Variants in TTC7B observed in about 807,000 individuals in gnomAD.
TTC7B encodes the protein tetratricopeptide repeat protein 7B.
In TTC7B, 28 loss-of-function variants were observed where a neutral mutation model predicts 106.8. The observed-to-expected ratio is 0.26, with a 90% CI of 0.19 to 0.36. The LOEUF (loss-of-function observed/expected upper bound fraction) is 0.36. TTC7B is among the 10% of genes least tolerant of loss of function. The pLI is 1.00. For synonymous variants in TTC7B, 405 were observed against 430.6 expected (o/e 0.94, Z 0.74); for missense variants, 862 against 1,076.4 (o/e 0.80, Z 2.79).
chr14:90,629,920 A>C (rs992775947), intron 15 of TTC7B, among the ~76,000 whole-genome samples: 2 of 152,154 alleles, frequency 1.3e-5, no homozygotes, highest in Admixed American at 1.3e-4. Context: ...AAACTAGAAA[A>C]GGGAACTTCC....
At chr14:90,784,563 A>C (rs540511972) in intron 2 of TTC7B, among the ~76,000 whole-genome samples, 5 of 152,218 alleles carry the variant, frequency 3.3e-5, no homozygotes, top group African/African-American at 1.2e-4. Context: ...TCTCGAAAAA[A>C]AAAAAACATA....
At chr14:90,659,631 G>T (rs1325935784) in intron 9 of TTC7B, among the ~76,000 whole-genome samples, 1 of 152,132 alleles carries the variant, frequency 6.6e-6, no homozygotes. Flanking sequence ...GGGCCAATGG[G>T]GCCAGCGGCA....
intron 9 of TTC7B, among the ~76,000 whole-genome samples, chr14:90,671,469 T>C (rs1214509528): frequency 6.6e-6 from 1 of 152,210 alleles, no homozygotes; most frequent in Non-Finnish European, 1.5e-5. Context: ...GAGCCATTAA[T>C]AGTCAAATTC....
Position 90,524,973 on chromosome 14 carries a change from T to C in TTC7B, c.*16395A>G, listed in dbSNP as rs1889113164. On this transcript the variant is annotated 3_prime_UTR_variant, in exon 20 of 20. Transcript: ENST00000328459. ...TAGTAAAGCGCAAGCATTTAAAGTA[T>C]ACAGTTCAATATGTCTTGACATTTG... is the stretch of plus-strand genomic sequence containing the variant. The C allele has an allele frequency of 6.6e-6, 1 of 152,076 alleles. No individual in the cohort carries two copies. Among genetic ancestry groups the C allele is most frequent in the Non-Finnish European group, 1.5e-5 (1 of 68,026 alleles). 9.4% of individuals were successfully genotyped at this position (152,076 alleles called of 1,614,324 possible).
At chr14:90,621,373 C>T (rs1390790451) in intron 15 of TTC7B, among the ~76,000 whole-genome samples, 5 of 151,572 alleles carry the variant, frequency 3.3e-5, no homozygotes, top group Non-Finnish European at 7.4e-5. Flanking sequence ...GCAGAGGCCA[C>T]GCGGGTACGG....
At chr14:90,588,837 A>G (rs1222287311) in intron 18 of TTC7B, among the ~76,000 whole-genome samples, 15 of 152,064 alleles carry the variant, frequency 9.9e-5, no homozygotes, top group Admixed American at 9.8e-4. Flanking sequence ...ATGCCGTAAG[A>G]AAAAATTGAT....
At chr14:90,804,058 G>T (rs1054452499) in intron 1 of TTC7B, among the ~76,000 whole-genome samples, 1 of 152,210 alleles carries the variant, frequency 6.6e-6, no homozygotes, top group Non-Finnish European at 1.5e-5. Flanking sequence ...AGCTGTGGCC[G>T]GGCGTTGTGG....
At chr14:90,690,896 G>T (rs558630098) in intron 6 of TTC7B, among the ~76,000 whole-genome samples, 1 of 152,242 alleles carries the variant, frequency 6.6e-6, no homozygotes, top group South Asian at 2.1e-4. Flanking sequence ...ATAACCACTG[G>T]GTAAAGGCAA....
Position 90,644,156 on chromosome 14 carries a change from T to C in TTC7B, c.1643A>G (p.Asp548Gly), listed in dbSNP as rs1380796589. ...VRQALQLQGD[D>G]ANSLHLLALL... ...GGCAAGGAGGTGCAGGGAGTTGGCATCGTCACCTTGAAGCTGAAGAGCTTG... is the reference window on the plus strand; with the variant it reads ...GGCAAGGAGGTGCAGGGAGTTGGCACCGTCACCTTGAAGCTGAAGAGCTTG... Residue 548 changes from aspartate to glycine, a missense_variant, in exon 15 of 20, where the codon GAT becomes GGT. Transcript: ENST00000328459. 1 of 1,613,570 alleles carries C rather than the reference T, an allele frequency of 6.2e-7. No individual in the cohort carries two copies. Among genetic ancestry groups the C allele is most frequent in the Admixed American group, 1.7e-5 (1 of 59,920 alleles).
rs74081222 is a variant in TTC7B at position 90,529,141 on chromosome 14, G to A, written c.*12227C>T. The A allele has an allele frequency of 0.29, 43,494 of 151,184 alleles. 6,247 individuals are homozygous for A. The highest frequency in any genetic ancestry group is 0.33 in the Admixed American group (4,999 of 15,176). 9.4% of individuals were successfully genotyped at this position (151,184 alleles called of 1,614,324 possible). ...TGCTTTGTTACCTGTTTCCAATGGC[G>A]TGACCTGACTGCGCTTTGTTACCTG... is the stretch of plus-strand genomic sequence containing the variant. On this transcript the variant is annotated 3_prime_UTR_variant, in exon 20 of 20. Coordinates refer to ENST00000328459, the MANE Select transcript of TTC7B (RefSeq NM_001010854.2).
chr14:90,645,500 G>T (rs1402220950), intron 14 of TTC7B, among the ~76,000 whole-genome samples: 1 of 152,118 alleles, frequency 6.6e-6, no homozygotes, highest in Non-Finnish European at 1.5e-5. Context: ...CCCTCCCCTG[G>T]GGAAGCAGGG....
chr14:90,681,444 C>T (rs867358822), intron 7 of TTC7B, among the ~76,000 whole-genome samples: 1 of 150,068 alleles, frequency 6.7e-6, no homozygotes, highest in Non-Finnish European at 1.5e-5. Flanking sequence ...GATAATATTA[C>T]AATCATGTAA....
intron 3 of TTC7B, among the ~76,000 whole-genome samples, chr14:90,760,951 C>T (rs1165820310): frequency 6.6e-6 from 1 of 152,196 alleles, no homozygotes; most frequent in Admixed American, 6.5e-5. Flanking sequence ...CAGTATCTTC[C>T]CTCTACCCTC....
chr14:90,722,335 C>A (rs1888928477), intron 5 of TTC7B, among the ~76,000 whole-genome samples: 1 of 152,148 alleles, frequency 6.6e-6, no homozygotes, highest in Admixed American at 6.5e-5. Context: ...TGGCCAAAAA[C>A]CAAGTAAAAT....
intron 4 of TTC7B, among the ~76,000 whole-genome samples, chr14:90,740,239 T>A (rs2064920): frequency 0.19 from 28,241 of 152,052 alleles, 2,767 homozygotes; most frequent in Middle Eastern, 0.21. Flanking sequence ...AGCTCCTAGG[T>A]ACTGCCTGGC....
rs77005593 is a variant in TTC7B at position 90,805,114 on chromosome 14, C to G, written c.121+11061G>C. ...TGGGACCAGGTCTCGGGTGGACGCC[C>G]ACAGCCACTCCCAGTCCTGAGCACG... is the stretch of plus-strand genomic sequence containing the variant. On this transcript the variant is annotated intron_variant, in intron 1 of 19. Transcript: ENST00000328459. The surrounding 1 kb of genome is among the most constrained non-coding windows in gnomAD (Gnocchi z 4.0). 0.041 allele frequency among the ~76,000 whole-genome samples: 6,233 copies of G among 151,936 alleles called. 169 individuals carry two copies. The highest frequency in any genetic ancestry group is 0.058 in the Non-Finnish European group (3,907 of 67,926).
intron 15 of TTC7B, among the ~76,000 whole-genome samples, chr14:90,626,679 C>T (rs1884457159): frequency 6.6e-6 from 1 of 152,230 alleles, no homozygotes; most frequent in South Asian, 2.1e-4. Context: ...CCTGACACAA[C>T]CCTGCTAGCA....
Position 90,536,649 on chromosome 14 carries a change from C to T in TTC7B, c.*4719G>A, listed in dbSNP as rs1889425369. The T allele has an allele frequency of 1.3e-5, 2 of 152,512 alleles. No homozygotes were observed. The highest frequency in any genetic ancestry group is 1.5e-5 in the Non-Finnish European group (1 of 68,212). 9.4% of individuals were successfully genotyped at this position (152,512 alleles called of 1,614,324 possible). ...ACCCTCTTGGCTCTGTCTTCAGAATCTTCACAGTCCAGTGCCTCTCGCCAC... is the reference window on the plus strand; with the variant it reads ...ACCCTCTTGGCTCTGTCTTCAGAATTTTCACAGTCCAGTGCCTCTCGCCAC... On this transcript the variant is annotated 3_prime_UTR_variant, in exon 20 of 20. Coordinates refer to ENST00000328459, the MANE Select transcript of TTC7B (RefSeq NM_001010854.2).
chr14:90,616,439 C>A (rs987328400), intron 16 of TTC7B, among the ~76,000 whole-genome samples: 1 of 151,630 alleles, frequency 6.6e-6, no homozygotes, highest in Admixed American at 6.6e-5. Flanking sequence ...TTTCACCAAG[C>A]GAAGGGCGGG....
Sources: allele counts gnomAD v4.1 joint callset (sites outside exome capture counted in the v4.1 genomes callset), GRCh38; gene constraint gnomAD v4.1.1; non-coding constraint Gnocchi (gnomAD v3.1); transcripts MANE v1.5; gene names NCBI Gene and HGNC (gene_info 2026-07-23, HGNC 2026-07-21).